POU3F3: variants seen among roughly 807,000 people sequenced by gnomAD.
The protein encoded by POU3F3 is POU domain, class 3, transcription factor 3.
In POU3F3, 1 loss-of-function variant was observed where a neutral mutation model predicts 8.6. The ratio of observed to expected loss-of-function variants is 0.12; its 90% CI spans 0.04 to 0.55. The LOEUF is 0.55. Ranked by LOEUF, POU3F3 falls within the 20% of genes least tolerant of loss-of-function variation. The pLI, the probability that POU3F3 is intolerant of heterozygous loss-of-function variation, is 0.91. For missense variants in POU3F3, 577 were observed against 690.7 expected (o/e 0.84, Z 1.84); for synonymous variants, 418 against 327.4 (o/e 1.28, Z -2.99).
the POU3F3 span, among the ~76,000 whole-genome samples, chr2:104,889,429 C>T: frequency 2.6e-5 from 4 of 152,196 alleles, no homozygotes; most frequent in African/African-American, 9.7e-5. Flanking sequence ...GGGAAGTTCC[C>T]CATGCTCCAC....
the POU3F3 span, among the ~76,000 whole-genome samples, chr2:104,918,879 A>G: frequency 7.8e-6 from 1 of 128,306 alleles, no homozygotes; most frequent in South Asian, 2.4e-4. Flanking sequence ...TCATGAAAAC[A>G]CTTTTTTTTT....
At chr2:104,892,237 ATCAC>A in the POU3F3 span, among the ~76,000 whole-genome samples, 8 of 152,292 alleles carry the variant, frequency 5.3e-5, no homozygotes, top group South Asian at 1.0e-3. Context: ...AAGATGGCCC[ATCAC>A]AGAGAGAGCA....
the POU3F3 span, chr2:104,872,192 C>G: frequency 4.4e-6 from 2 of 454,486 alleles, no homozygotes; most frequent in African/African-American, 4.0e-5. The surrounding 1 kb of genome is among the most constrained non-coding windows in gnomAD (Gnocchi z 4.6). Context: ...CGGCTGCGCC[C>G]TCCCTCTCCT....
In POU3F3 at chr2:104,855,676, G is replaced by T; in HGVS notation, c.166G>T (p.Ala56Ser). 1 of 1,137,084 alleles carries T rather than the reference G, an allele frequency of 8.8e-7. No individual in the cohort carries two copies. Among genetic ancestry groups the T allele is most frequent in the East Asian group, 7.0e-5 (1 of 14,186 alleles). The allele number at this position is 1,137,084 out of a possible 1,614,324, so 70.4% of individuals were successfully genotyped here. Residue 56 changes from alanine (A) to serine (S), a missense_variant, in exon 1 of 1, where the codon GCC (alanine) becomes TCC (serine). By Grantham distance (99) the Ala-to-Ser change is moderately conservative (BLOSUM62 1). Coordinates refer to ENST00000361360, the MANE Select transcript of POU3F3 (RefSeq NM_006236.3). Reference sequence around the variant, plus strand: ...GGGCGGCGGCATGCAGCCGGGCAGCGCCGCCGTGACCTCGGGCGCCTACCG... The same window carrying T: ...GGGCGGCGGCATGCAGCCGGGCAGCTCCGCCGTGACCTCGGGCGCCTACCG... ...GGGGGMQPGS[A>S]AVTSGAYRGD...
At chr2:104,921,343 T>C in the POU3F3 span, among the ~76,000 whole-genome samples, 2 of 152,180 alleles carry the variant, frequency 1.3e-5, no homozygotes, top group African/African-American at 4.8e-5. Context: ...GGAATCTGTC[T>C]CCCCACCTAG....
downstream of POU3F3, among the ~76,000 whole-genome samples, chr2:104,858,899 C>A (rs376862221): frequency 3.3e-5 from 5 of 152,104 alleles, no homozygotes; most frequent in East Asian, 3.8e-4. Flanking sequence ...AAAGATTGAA[C>A]GATATCACCA....
the POU3F3 span, among the ~76,000 whole-genome samples, chr2:104,864,684 A>G: frequency 1.3e-5 from 2 of 152,356 alleles, no homozygotes; most frequent in East Asian, 3.9e-4. Context: ...TTTTGCTTTA[A>G]AAAATGGCTT....
the POU3F3 span, among the ~76,000 whole-genome samples, chr2:104,881,819 G>A: frequency 3.3e-5 from 5 of 152,306 alleles, no homozygotes; most frequent in East Asian, 1.9e-4. Flanking sequence ...GCATGAACAC[G>A]TAGCAGAGTG....
chr2:104,855,639 C>T lies in POU3F3; in HGVS notation c.129C>T (p.Gly43=), dbSNP rs1676543262. Residue 43 remains glycine (G), a synonymous_variant, in exon 1 of 1, where the codon GGC becomes GGT. Transcript: ENST00000361360. ...GCGGCGGCGGCGGCGGCGGGGGCGGCGCAGGGGGCGGGGGCGGCGGCATGC... is the reference window on the plus strand; with the variant it reads ...GCGGCGGCGGCGGCGGCGGGGGCGGTGCAGGGGGCGGGGGCGGCGGCATGC... ...GGGGGGGGGG[G]AGGGGGGMQP... is the part of the protein sequence containing the mutation. 7.6e-6 allele frequency: 7 copies of T among 925,202 alleles called. No homozygotes were observed. The highest frequency in any genetic ancestry group is 8.8e-6 in the Non-Finnish European group (7 of 794,104). The allele number at this position is 925,202 out of a possible 1,614,324, so 57.3% of individuals were successfully genotyped here.
chr2:104,860,664 G>A (rs939258189), downstream of POU3F3, among the ~76,000 whole-genome samples: 2 of 150,634 alleles, frequency 1.3e-5, no homozygotes, highest in Non-Finnish European at 2.9e-5. Flanking sequence ...AGCCTCCGTC[G>A]CTCCCACAAC....
the POU3F3 span, among the ~76,000 whole-genome samples, chr2:104,907,896 T>A: frequency 6.6e-6 from 1 of 152,180 alleles, no homozygotes; most frequent in Non-Finnish European, 1.5e-5. Flanking sequence ...TAAAGCATGA[T>A]ACTATGATAT....
the POU3F3 span, among the ~76,000 whole-genome samples, chr2:104,890,819 A>C: frequency 2.0e-5 from 3 of 152,192 alleles, no homozygotes; most frequent in African/African-American, 7.2e-5. Flanking sequence ...CATGTTCATC[A>C]CGGACGTTTG....
At position 104,856,749 on chromosome 2, in the gene POU3F3, C is replaced by G; in HGVS notation, c.1239C>G (p.Ile413Met). 6.2e-7 allele frequency: 1 copy of G among 1,614,158 alleles called. No homozygotes were observed. The highest frequency in any genetic ancestry group is 2.2e-5 in the East Asian group (1 of 44,854). ...QGRKRKKRTS[I>M]EVSVKGALES... ...GCAAGCGCAAGAAGCGGACCTCTAT[C>G]GAGGTGAGCGTCAAGGGCGCGCTGG... is the stretch of plus-strand genomic sequence containing the variant. Residue 413 changes from isoleucine (I) to methionine (M), a missense_variant, in exon 1 of 1, where the codon ATC (isoleucine) becomes ATG (methionine). Physicochemically the swap from Ile to Met is conservative, Grantham distance 10 (BLOSUM62 1). Around this residue, in one of 7 missense-constraint regions of POU3F3, gnomAD observed 21 missense variants for 41.9 expected, o/e 0.50. Transcript: ENST00000361360.
At chr2:104,909,144 C>T in the POU3F3 span, among the ~76,000 whole-genome samples, 662 of 152,270 alleles carry the variant, frequency 4.3e-3, 6 homozygotes, top group African/African-American at 0.015. Context: ...TAAAATTAAT[C>T]GTGTAACATT....
the POU3F3 span, among the ~76,000 whole-genome samples, chr2:104,885,435 A>G: frequency 6.6e-6 from 1 of 152,238 alleles, no homozygotes. Context: ...CAAGTCACAA[A>G]GACCTTGCTC....
At chr2:104,877,747 C>T in the POU3F3 span, among the ~76,000 whole-genome samples, 1 of 151,552 alleles carries the variant, frequency 6.6e-6, no homozygotes, top group Non-Finnish European at 1.5e-5. Context: ...CAACCTCCGA[C>T]TCCCGATTCC....
chr2:104,854,000 AT>A (rs1025257938), upstream of POU3F3, among the ~76,000 whole-genome samples: 14 of 152,208 alleles, frequency 9.2e-5, no homozygotes, highest in African/African-American at 3.4e-4. Context: ...TGAGCCAGTC[AT>A]TCCGAGCCTG....
the POU3F3 span, among the ~76,000 whole-genome samples, chr2:104,910,193 A>T: frequency 2.0e-5 from 3 of 152,112 alleles, no homozygotes; most frequent in Admixed American, 6.5e-5. Flanking sequence ...ACAATAGAAG[A>T]GTGACTTGGG....
At chr2:104,872,173 T>A in the POU3F3 span, 1 of 453,096 alleles carries the variant, frequency 2.2e-6, no homozygotes, top group South Asian at 1.6e-5. This position sits in a 1 kb window ranked among gnomAD's most constrained non-coding sequence, Gnocchi z 4.6. Context: ...AGGGATGCCC[T>A]GCGCCCGCCG....
Sources: gnomAD v4.1 joint callset for allele counts (sites outside exome capture counted in the v4.1 genomes callset) on GRCh38, gnomAD v4.1.1 for gene constraint, gnomAD v4.1.1 regional missense constraint, Gnocchi (gnomAD v3.1) non-coding constraint, MANE v1.5 for transcripts, NCBI Gene and HGNC (gene_info 2026-07-23, HGNC 2026-07-21) for gene names.